STX8: variants seen among roughly 807,000 people sequenced by gnomAD.
STX8 encodes the protein syntaxin 8.
Under a neutral mutation model 37.5 loss-of-function variants are expected in STX8, and 23 were observed. The ratio of observed to expected loss-of-function variants is 0.61; its 90% confidence interval spans 0.44 to 0.87. STX8 has a LOEUF of 0.87. STX8 is among the 40% of genes least tolerant of loss of function. The probability of loss-of-function intolerance (pLI) is 0.00; values close to 1 mark genes in which losing one functional copy is unlikely to be tolerated. For missense variants in STX8, 313 were observed against 284.7 expected, an observed-to-expected ratio of 1.10 and a Z score of -0.71; for synonymous variants, 115 against 99.1, an observed-to-expected ratio of 1.16 and a Z score of -0.95.
intron 6 of STX8, among the ~76,000 whole-genome samples, chr17:9,470,188 GACTGTCTAGATGGA>G (rs1905791193): frequency 6.6e-6 from 1 of 152,146 alleles, no homozygotes; most frequent in South Asian, 2.1e-4. Flanking sequence ...CTCCTGGCAG[GACTGTCTAGATGGA>G]AAGAGAATGT....
intron 4 of STX8, among the ~76,000 whole-genome samples, chr17:9,514,867 A>T (rs1905121189): frequency 1.3e-5 from 2 of 152,212 alleles, no homozygotes; most frequent in African/African-American, 4.8e-5. Context: ...GCAGAAACTG[A>T]AAATCACCCT....
intron 2 of STX8, among the ~76,000 whole-genome samples, chr17:9,561,912 T>G (rs1270515118): frequency 6.6e-6 from 1 of 152,070 alleles, no homozygotes; most frequent in Non-Finnish European, 1.5e-5. Context: ...TGAAAAATCA[T>G]TTGTAATTAG....
intron 6 of STX8, among the ~76,000 whole-genome samples, chr17:9,445,524 T>TGGGGGGGG (rs1904813897): frequency 3.9e-5 from 1 of 25,670 alleles, no homozygotes; most frequent in Non-Finnish European, 7.7e-5. Flanking sequence ...GGTTGGGGGG[T>TGGGGGGGG]GGGGGTGAGG....
At chr17:9,408,619 C>G (rs897466633) in intron 6 of STX8, among the ~76,000 whole-genome samples, 79 of 152,306 alleles carry the variant, frequency 5.2e-4, no homozygotes, top group African/African-American at 1.9e-3. Flanking sequence ...GCCATGCTTA[C>G]TCATACATCC....
chr17:9,458,566 G>A (rs1226219373), intron 6 of STX8, among the ~76,000 whole-genome samples: 3 of 152,220 alleles, frequency 2.0e-5, no homozygotes, highest in African/African-American at 4.8e-5. Flanking sequence ...ATGACTTTGA[G>A]AAGACCAATG....
At position 9,461,730 on chromosome 17, in the gene STX8, G is replaced by A. The variant is rs60921000; in HGVS notation, c.541+30099C>T. On this transcript the variant is annotated intron_variant, in intron 6 of 7. Transcript: ENST00000306357. ...ATGATTCAAGCATATTACATTTATC[G>A]CGCACTTTATTTCTATTATTATTAT... Among the ~76,000 whole-genome samples, 1,229 of 152,082 alleles carry A rather than the reference G, an allele frequency of 8.1e-3. 54 individuals carry two copies. The East Asian group carries it at 0.11, about 14-fold the overall frequency.
chr17:9,265,354 G>A (rs1907198166), intron 7 of STX8, among the ~76,000 whole-genome samples: 1 of 152,212 alleles, frequency 6.6e-6, no homozygotes, highest in South Asian at 2.1e-4. Flanking sequence ...CACTCTGGAT[G>A]GGGCACGCTA....
At chr17:9,324,786 A>AG (rs1158524900) in intron 7 of STX8, among the ~76,000 whole-genome samples, 1 of 151,068 alleles carries the variant, frequency 6.6e-6, no homozygotes, top group African/African-American at 2.4e-5. Context: ...AAAAAAAAAA[A>AG]AGAGAAGAGC....
intron 7 of STX8, among the ~76,000 whole-genome samples, chr17:9,272,316 C>T (rs1346258852): frequency 1.3e-5 from 2 of 152,182 alleles, no homozygotes; most frequent in East Asian, 1.9e-4. Context: ...CACAGAAGCC[C>T]GAGGAAATGC....
At chr17:9,543,320 G>A (rs1906361076) in intron 4 of STX8, among the ~76,000 whole-genome samples, 1 of 146,750 alleles carries the variant, frequency 6.8e-6, no homozygotes, top group South Asian at 2.1e-4. Context: ...TTGAGACGGA[G>A]TCTTGCTCTG....
chr17:9,253,241 T>TGTGTGTGTGTGTGTGTGTGA (rs1906658552), intron 7 of STX8, among the ~76,000 whole-genome samples: 3 of 151,418 alleles, frequency 2.0e-5, no homozygotes, highest in African/African-American at 7.3e-5. Context: ...TGTGTGTGTG[T>TGTGTGTGTGTGTGTGTGTGA]GTGAATATCT....
At chr17:9,459,773 C>T (rs896165807) in intron 6 of STX8, among the ~76,000 whole-genome samples, 5 of 152,216 alleles carry the variant, frequency 3.3e-5, no homozygotes, top group African/African-American at 1.2e-4. Context: ...CCTCGGCCTC[C>T]CGAAGTGCTC....
chr17:9,506,088 T>C (rs1304789731), intron 4 of STX8, among the ~76,000 whole-genome samples: 1 of 152,148 alleles, frequency 6.6e-6, no homozygotes, highest in African/African-American at 2.4e-5. Context: ...CTCCCTCTAA[T>C]AATCCATGTG....
At chr17:9,443,389 C>G (rs1428922329) in intron 6 of STX8, among the ~76,000 whole-genome samples, 1 of 152,198 alleles carries the variant, frequency 6.6e-6, no homozygotes, top group Admixed American at 6.5e-5. Context: ...CAAAGATAGA[C>G]CACACACAGT....
chr17:9,268,645 G>A (rs777074833), intron 7 of STX8, among the ~76,000 whole-genome samples: 26 of 152,162 alleles, frequency 1.7e-4, no homozygotes, highest in Non-Finnish European at 3.5e-4. Context: ...TGCCATTTTC[G>A]GAGTTGGCTG....
chr17:9,250,542 T>G lies in STX8; in HGVS notation c.*36A>C. 1 of 1,558,940 alleles carries G rather than the reference T, an allele frequency of 6.4e-7. No individual in the cohort carries two copies. Among genetic ancestry groups the G allele is most frequent in the South Asian group, 1.2e-5 (1 of 85,154 alleles). ...AGGGTGTTGGGCTTGCATCTGTCAT[T>G]GGCAGGTGTCACTGCTGGTGGTCTC... On this transcript the variant is annotated 3_prime_UTR_variant, in exon 8 of 8. Transcript: ENST00000306357.
At chr17:9,327,594 T>A (rs1909821744) in intron 7 of STX8, among the ~76,000 whole-genome samples, 1 of 152,034 alleles carries the variant, frequency 6.6e-6, no homozygotes, top group African/African-American at 2.4e-5. Context: ...TGTGTGGCAT[T>A]CCTTCCACCT....
chr17:9,406,264 G>T (rs1432775178), intron 6 of STX8, among the ~76,000 whole-genome samples: 2 of 152,128 alleles, frequency 1.3e-5, no homozygotes, highest in Non-Finnish European at 2.9e-5. Flanking sequence ...CACATTGTAT[G>T]GGTCCCATGG....
At chr17:9,534,908 C>T (rs1905967101) in intron 4 of STX8, among the ~76,000 whole-genome samples, 1 of 151,998 alleles carries the variant, frequency 6.6e-6, no homozygotes, top group Non-Finnish European at 1.5e-5. Flanking sequence ...GACAGAAGGA[C>T]CAATGGAACA....
Sources: allele counts gnomAD v4.1 joint callset (sites outside exome capture counted in the v4.1 genomes callset), GRCh38; gene constraint gnomAD v4.1.1; transcripts MANE v1.5; gene names NCBI Gene and HGNC (gene_info 2026-07-23, HGNC 2026-07-21).